PRKCH: variants seen among roughly 807,000 people sequenced by gnomAD.
PRKCH encodes the protein protein kinase C eta type.
PRKCH carries 28 observed loss-of-function variants against 82.5 expected under a neutral mutation model. The ratio of observed to expected loss-of-function variants is 0.34; its 90% CI spans 0.25 to 0.47. PRKCH has a LOEUF of 0.47. PRKCH is among the 20% of genes least tolerant of loss of function. The pLI is 1.00. For missense variants in PRKCH, 705 were observed against 881.8 expected (o/e 0.80, Z 2.54); for synonymous variants, 322 against 327.4 (o/e 0.98, Z 0.18).
At chr14:61,287,636 G>A (rs1287847836) in intron 1 of PRKCH, among the ~76,000 whole-genome samples, 2 of 152,092 alleles carry the variant, frequency 1.3e-5, no homozygotes, top group East Asian at 3.8e-4. Flanking sequence ...CTTTAACCTG[G>A]GAGGTGGAGG....
intron 1 of PRKCH, among the ~76,000 whole-genome samples, chr14:61,329,703 T>A (rs924322065): frequency 2.6e-5 from 4 of 152,188 alleles, no homozygotes; most frequent in Non-Finnish European, 5.9e-5. Flanking sequence ...CAGGTCTCAT[T>A]ATGGGCATTA....
At chr14:61,388,109 C>T (rs1250232783) in intron 1 of PRKCH, among the ~76,000 whole-genome samples, 1 of 143,292 alleles carries the variant, frequency 7.0e-6, no homozygotes, top group African/African-American at 2.7e-5. Flanking sequence ...GATGGTGCTA[C>T]TGCACACCAG....
intron 12 of PRKCH, chr14:61,543,272 C>T (rs1020948954): frequency 6.6e-6 from 1 of 152,244 alleles, no homozygotes; most frequent in Non-Finnish European, 1.5e-5. Flanking sequence ...CACACCTCCT[C>T]TGTAGTCTGG....
chr14:61,517,079 T>C (rs1266951821), intron 10 of PRKCH, among the ~76,000 whole-genome samples: 2 of 152,118 alleles, frequency 1.3e-5, no homozygotes, highest in Non-Finnish European at 2.9e-5. Flanking sequence ...CAGTACTGAT[T>C]CTAGTGGGCA....
At chr14:61,204,565 G>A (rs954410642) in intron 1 of PRKCH, among the ~76,000 whole-genome samples, 7 of 151,908 alleles carry the variant, frequency 4.6e-5, no homozygotes, top group African/African-American at 1.7e-4. Context: ...GACCAGTCTG[G>A]GCAATATAGG....
rs543160375 is a variant in PRKCH, at chr14:61,404,152, G to A, written c.427+12864G>A. Among the ~76,000 whole-genome samples the A allele has an allele frequency of 1.4e-4, 21 of 152,256 alleles. No individual in the cohort carries two copies. The East Asian group carries it at 2.7e-3, about 20-fold the overall frequency. On this transcript the variant is annotated intron_variant, in intron 2 of 13. Coordinates refer to ENST00000332981, the MANE Select transcript of PRKCH (RefSeq NM_006255.5). ...CTTCTTCCCTTCTACCGTGAAACTC[G>A]TCTTCAGCATCATTCTTTCATCCTG...
intron 1 of PRKCH, among the ~76,000 whole-genome samples, chr14:61,326,081 A>G (rs2045692127): frequency 6.6e-6 from 1 of 152,366 alleles, no homozygotes; most frequent in South Asian, 2.1e-4. Flanking sequence ...TATGCCTACT[A>G]TATAACTTAC....
chr14:61,518,296 G>T (rs999823308), intron 10 of PRKCH, among the ~76,000 whole-genome samples: 1 of 152,118 alleles, frequency 6.6e-6, no homozygotes, highest in Non-Finnish European at 1.5e-5. Context: ...GAGCATTTTG[G>T]CAAGGAGAGT....
At chr14:61,409,532 T>G (rs1321691587) in intron 2 of PRKCH, among the ~76,000 whole-genome samples, 1 of 151,016 alleles carries the variant, frequency 6.6e-6, no homozygotes, top group Non-Finnish European at 1.5e-5. Flanking sequence ...GCCAGGCATC[T>G]CCACCAAAAA....
intron 1 of PRKCH, among the ~76,000 whole-genome samples, chr14:61,255,321 A>G (rs80289040): frequency 0.045 from 6,881 of 152,304 alleles, 201 homozygotes; most frequent in Non-Finnish European, 0.065. Flanking sequence ...ACATTTGGCC[A>G]TATCTCAGCA....
At chr14:61,495,602 T>G (rs940457750) in intron 10 of PRKCH, among the ~76,000 whole-genome samples, 1 of 152,222 alleles carries the variant, frequency 6.6e-6, no homozygotes, top group African/African-American at 2.4e-5. Context: ...TGTCAGGCTC[T>G]TAGGGAGTAA....
At chr14:61,332,473 T>C (rs1165082155) in intron 1 of PRKCH, among the ~76,000 whole-genome samples, 1 of 152,264 alleles carries the variant, frequency 6.6e-6, no homozygotes, top group African/African-American at 2.4e-5. Flanking sequence ...TATTATGTAC[T>C]GCCTTCCCAA....
rs939535240 is a variant in PRKCH, at chr14:61,259,104, G to A, written c.-19+71436G>A. Among the ~76,000 whole-genome samples, 7 of 152,170 alleles carry A rather than the reference G, an allele frequency of 4.6e-5. 1 individual carries two copies. Among genetic ancestry groups the A allele is most frequent in the Admixed American group, 2.0e-4 (3 of 15,278 alleles). The stretch of plus-strand genomic sequence containing the variant: ...TGTCTTCTAATGCACTATAAATGCC[G>A]TGATGAATTGGAGGCAGGCTGGTTT... On this transcript the variant is annotated intron_variant, in intron 1 of 3. Transcript: ENST00000555185.
chr14:61,472,486 G>A (rs1185174853), intron 9 of PRKCH, among the ~76,000 whole-genome samples: 1 of 152,180 alleles, frequency 6.6e-6, no homozygotes, highest in Non-Finnish European at 1.5e-5. Flanking sequence ...ATGGGAAAAC[G>A]TGCTGATAGC....
chr14:61,307,705 T>C (rs573619921), intron 1 of PRKCH, among the ~76,000 whole-genome samples: 1 of 152,364 alleles, frequency 6.6e-6, no homozygotes, highest in East Asian at 1.9e-4. Flanking sequence ...TTTTTTATCA[T>C]AAAACATTCA....
At chr14:61,538,099 TG>T (rs2043136101) in intron 12 of PRKCH, among the ~76,000 whole-genome samples, 1 of 152,194 alleles carries the variant, frequency 6.6e-6, no homozygotes, top group South Asian at 2.1e-4. Context: ...AGGAGAAGGC[TG>T]GGGAAGAGGA....
intron 12 of PRKCH, among the ~76,000 whole-genome samples, chr14:61,538,136 A>G (rs1167146282): frequency 6.6e-6 from 1 of 152,262 alleles, no homozygotes; most frequent in Non-Finnish European, 1.5e-5. Flanking sequence ...CGAGTAACGC[A>G]GAGGATCCAA....
chr14:61,208,093 C>A (rs1318962667), intron 1 of PRKCH, among the ~76,000 whole-genome samples: 4 of 151,930 alleles, frequency 2.6e-5, no homozygotes, highest in African/African-American at 9.7e-5. Flanking sequence ...TTGAAATGTC[C>A]CTTCTTTGAA....
rs766392430 is a variant in PRKCH, at chr14:61,547,799, C to G, written c.1818C>G (p.His606Gln). Residue 606 changes from histidine (H) to glutamine (Q), a missense_variant, in exon 13 of 14, where the codon CAC becomes CAG. His to Gln is a conservative substitution (Grantham distance 24). Transcript: ENST00000332981. ...RLGSLTQGGE[H>Q]AILRHPFFKE... The stretch of plus-strand genomic sequence containing the variant: ...GCAGCCTGACTCAGGGAGGCGAGCA[C>G]GCCATCTTGAGACATCCTTTTTTTA... The G allele has an allele frequency of 2.0e-5, 32 of 1,614,086 alleles. No homozygotes were observed. Among genetic ancestry groups the G allele is most frequent in the Middle Eastern group, 3.3e-4 (2 of 6,084 alleles).
Sources: gnomAD v4.1 joint callset for allele counts (sites outside exome capture counted in the v4.1 genomes callset) on GRCh38, gnomAD v4.1.1 for gene constraint, MANE v1.5 for transcripts, NCBI Gene and HGNC (gene_info 2026-07-23, HGNC 2026-07-21) for gene names.